CFAP92: variants seen among roughly 807,000 people sequenced by gnomAD.
CFAP92 encodes cilia and flagella associated protein 92 (putative).
Under a neutral mutation model 106.3 loss-of-function variants are expected in CFAP92, and 86 were observed. The observed-to-expected ratio is 0.81, with a 90% CI of 0.68 to 0.97. CFAP92 has a LOEUF of 0.97. Ranked by LOEUF, CFAP92 falls within the 50% of genes least tolerant of loss-of-function variation. The probability of loss-of-function intolerance (pLI) is 0.00; values close to 1 mark genes in which losing one functional copy is unlikely to be tolerated. For missense variants in CFAP92, 1,204 were observed against 1,283.8 expected (o/e 0.94, Z 0.95); for synonymous variants, 477 against 506.4 (o/e 0.94, Z 0.78).
At chr3:128,981,977 G>C (rs1215477694) in intron 4 of CFAP92, among the ~76,000 whole-genome samples, 1 of 152,216 alleles carries the variant, frequency 6.6e-6, no homozygotes, top group East Asian at 1.9e-4. Flanking sequence ...AGCACAGGCA[G>C]ACTTAGCATC....
chr3:128,941,550 C>T lies in CFAP92; in HGVS notation c.2258+3521G>A, dbSNP rs149980373. Among the ~76,000 whole-genome samples, 56 of 152,272 alleles carry T rather than the reference C, an allele frequency of 3.7e-4. 1 individual carries two copies. In the East Asian group the frequency reaches 0.011, roughly 29 times the overall value. ...GGAGTGCAGTGGCATGATCTTGGCT[C>T]ACTGCAATCTCTGCCTCCTGGGTTC... is the stretch of plus-strand genomic sequence containing the variant. On this transcript the variant is annotated intron_variant, in intron 10 of 15. Transcript: ENST00000645291.
At chr3:128,925,037 T>C (rs368861355) in intron 12 of CFAP92, among the ~76,000 whole-genome samples, 2 of 152,244 alleles carry the variant, frequency 1.3e-5, no homozygotes, top group South Asian at 4.1e-4. Context: ...CCGCTGGACT[T>C]TGTGGCCCCC....
At chr3:128,943,078 GC>G (rs61322226) in intron 10 of CFAP92, among the ~76,000 whole-genome samples, 10,879 of 151,712 alleles carry the variant, frequency 0.072, 987 homozygotes, top group African/African-American at 0.22. Context: ...CGCCACCACA[GC>G]CTGGCTCATT....
chr3:129,021,166 CAT>C, the CFAP92 span, among the ~76,000 whole-genome samples: 4 of 152,336 alleles, frequency 2.6e-5, no homozygotes, highest in Non-Finnish European at 5.9e-5. Flanking sequence ...CCAAACCCCA[CAT>C]GAGCTCCATG....
rs1936749599 is a variant in CFAP92, at chr3:128,915,602, A to G, written c.2917-39T>C. 3 of 1,320,432 alleles carry G rather than the reference A, an allele frequency of 2.3e-6. No individual in the cohort carries two copies. In the East Asian group the frequency reaches 7.6e-5, roughly 33 times the overall value. The allele number at this position is 1,320,432 out of a possible 1,614,324, so 81.8% of individuals were successfully genotyped here. On this transcript the variant is annotated intron_variant, in intron 13 of 15. Coordinates refer to ENST00000645291, the MANE Select transcript of CFAP92 (RefSeq NM_001394090.1). ...CAGACAGGTTGGGGTGGAAGGGCTA[A>G]TAGCAATCTTGGATTTATTTCCAAG...
In CFAP92 at chr3:128,936,606, C is replaced by A. The variant is rs530696381; in HGVS notation, c.2259-1287G>T. Among the ~76,000 whole-genome samples the A allele has an allele frequency of 1.9e-3, 293 of 152,260 alleles. 1 individual carries two copies. The highest frequency in any genetic ancestry group is 2.7e-3 in the Non-Finnish European group (184 of 68,022). ...CTGCCTGCTCCAACCTGAAGCCAGT[C>A]TTATCTTATAGCTACTGACACCACC... is the stretch of plus-strand genomic sequence containing the variant. On this transcript the variant is annotated intron_variant, in intron 10 of 15. Coordinates refer to ENST00000645291, the MANE Select transcript of CFAP92 (RefSeq NM_001394090.1).
upstream of CFAP92, among the ~76,000 whole-genome samples, chr3:128,997,435 CT>C (rs1944522866): frequency 1.3e-5 from 2 of 152,340 alleles, no homozygotes; most frequent in South Asian, 2.1e-4. Flanking sequence ...TTTCATCCCC[CT>C]AATAAGACTT....
rs768024877 is a variant in CFAP92, at chr3:128,993,160, C to G, written c.145G>C (p.Asp49His). ...AKARAQESDS[D>H]RPCSSIESSS... is the part of the protein sequence containing the mutation. ...GACTCGATGCTGCTGCACGGGCGGT[C>G]AGAGTCAGACTCCTGGGCCCTGGCC... The change falls in exon 2 of 16, where the codon GAC (aspartate) becomes CAC (histidine). Residue 49 changes from aspartate to histidine, a missense_variant. Coordinates refer to ENST00000645291, the MANE Select transcript of CFAP92 (RefSeq NM_001394090.1). 8 of 1,613,972 alleles carry G rather than the reference C, an allele frequency of 5.0e-6. No homozygotes were observed. The East Asian group carries it at 8.9e-5, about 18-fold the overall frequency.
upstream of CFAP92, chr3:128,994,232 T>A: frequency 1.3e-6 from 1 of 771,688 alleles, no homozygotes; most frequent in Non-Finnish European, 1.6e-6. Context: ...GTCAAATGGC[T>A]ACATCCAGGT....
chr3:128,946,733 A>T (rs1382174369), intron 9 of CFAP92, among the ~76,000 whole-genome samples: 2 of 152,204 alleles, frequency 1.3e-5, no homozygotes, highest in Non-Finnish European at 2.9e-5. Context: ...CTTTCAACCT[A>T]GGCCTCAAAG....
upstream of CFAP92, chr3:129,004,086 G>A: frequency 6.7e-7 from 1 of 1,487,108 alleles, no homozygotes; most frequent in Admixed American, 2.3e-5. Context: ...AGGTGAGCGG[G>A]GGCGCGTGCC....
Position 128,915,456 on chromosome 3 carries a change from G to T in CFAP92, c.3024C>A (p.Ala1008=). Residue 1008 remains alanine (A), a synonymous_variant, in exon 14 of 16, where the codon GCC becomes GCA. Coordinates refer to ENST00000645291, the MANE Select transcript of CFAP92 (RefSeq NM_001394090.1). ...CTTGGAATCCCCTGGCTGTGAGCCA[G>T]GCCTGGCGGGATTTCTTCTGGGCTT... The part of the protein sequence containing the change: ...EKKAQKKSRQ[A]WLTARGFQVT... 6.5e-7 allele frequency: 1 copy of T among 1,536,116 alleles called. No homozygotes were observed. The highest frequency in any genetic ancestry group is 1.4e-5 in the African/African-American group (1 of 73,116).
At chr3:128,933,125 G>C in intron 11 of CFAP92, 128 bp from the exon 12 acceptor site, 2 of 836,506 alleles carry the variant, frequency 2.4e-6, no homozygotes, top group Non-Finnish European at 3.7e-6. Flanking sequence ...TGGAGCTTGT[G>C]ACTAAAGAGC....
At chr3:128,913,204 C>A (rs906807067) in intron 15 of CFAP92, 1 of 384,174 alleles carries the variant, frequency 2.6e-6, no homozygotes, top group African/African-American at 2.1e-5. Context: ...GTGATGGCCT[C>A]GGGTCCCCTT....
upstream of CFAP92, among the ~76,000 whole-genome samples, chr3:129,006,321 C>T (rs1054184290): frequency 1.1e-4 from 16 of 152,056 alleles, no homozygotes; most frequent in South Asian, 4.1e-4. Flanking sequence ...GTTTTTTGTT[C>T]GTTTGTTTGT....
At chr3:128,960,340 C>CTATG (rs1194865875) in intron 9 of CFAP92, among the ~76,000 whole-genome samples, 12 of 152,344 alleles carry the variant, frequency 7.9e-5, no homozygotes, top group Admixed American at 3.3e-4. Flanking sequence ...AGATCCACCT[C>CTATG]TATGACCTCA....
intron 8 of CFAP92, chr3:128,967,643 G>C (rs1045363528): frequency 1.3e-5 from 2 of 152,148 alleles, no homozygotes; most frequent in Admixed American, 1.3e-4. Flanking sequence ...CGGAGGTTGC[G>C]GTGAGCTGAG....
At chr3:128,913,855 A>G (rs1055187831) in intron 15 of CFAP92, among the ~76,000 whole-genome samples, 1 of 152,216 alleles carries the variant, frequency 6.6e-6, no homozygotes, top group African/African-American at 2.4e-5. Context: ...ACCTCTGGAC[A>G]GAAGGCTGCT....
At chr3:128,967,617 G>A (rs1047497416) in intron 8 of CFAP92, 5 of 151,936 alleles carry the variant, frequency 3.3e-5, no homozygotes, top group East Asian at 1.9e-4. Context: ...CAGGAGAATC[G>A]CTTGAACCCG....
Sources: allele counts gnomAD v4.1 joint callset (sites outside exome capture counted in the v4.1 genomes callset), GRCh38; gene constraint gnomAD v4.1.1; transcripts MANE v1.5; gene names NCBI Gene and HGNC (gene_info 2026-07-23, HGNC 2026-07-21).